The following ABCC4 variants were observed in gnomAD, a reference collection of about 807,000 sequenced individuals.
ABCC4 encodes ATP-binding cassette sub-family C member 4.
Under a neutral mutation model 168.5 loss-of-function variants are expected in ABCC4, and 102 were observed. That is an observed-to-expected ratio of 0.61 (90% CI 0.52 to 0.71). The LOEUF is 0.71. Among genes scored for constraint, ABCC4 ranks in the 30% least tolerant of loss-of-function variants. The probability of loss-of-function intolerance (pLI) is 0.00; values close to 1 mark genes in which losing one functional copy is unlikely to be tolerated. For missense variants in ABCC4, 1,402 were observed against 1,605.8 expected (o/e 0.87, Z 2.17); for synonymous variants, 617 against 590.7 (o/e 1.04, Z -0.65).
At chr13:95,272,908 A>G (rs1264483523) in intron 1 of ABCC4, among the ~76,000 whole-genome samples, 1 of 149,866 alleles carries the variant, frequency 6.7e-6, no homozygotes, top group Non-Finnish European at 1.5e-5. Context: ...AAAATAAAAA[A>G]ATAAAATAAA....
At chr13:95,063,006 C>G in intron 25 of ABCC4, 147 bp from the exon 26 acceptor site, 1 of 947,924 alleles carries the variant, frequency 1.1e-6, no homozygotes, top group Non-Finnish European at 1.5e-6. Context: ...AACCTCAGCA[C>G]TGATGACCTT....
At chr13:95,209,296 G>T in intron 6 of ABCC4, 138 bp downstream of exon 6, 2 of 1,031,198 alleles carry the variant, frequency 1.9e-6, no homozygotes, top group Non-Finnish European at 2.8e-6. Flanking sequence ...AGGCCCCCTT[G>T]GCTGAGCCTG....
rs144550114 is a variant in ABCC4 at position 95,143,728 on chromosome 13, T to C, written c.2455+17461A>G. Among the ~76,000 whole-genome samples the C allele has an allele frequency of 2.1e-3, 318 of 152,236 alleles. 3 individuals carry two copies. Among genetic ancestry groups the C allele is most frequent in the African/African-American group, 7.3e-3 (305 of 41,550 alleles). The stretch of plus-strand genomic sequence containing the variant: ...TTTCAGAGCTAGCACTCTCCTAACA[T>C]ATGACCGGTTAAAAAATTATAAAAA... On this transcript the variant is annotated intron_variant, in intron 19 of 30. Coordinates refer to ENST00000645237, the MANE Select transcript of ABCC4 (RefSeq NM_005845.5).
chr13:95,125,099 G>A (rs948517195), intron 19 of ABCC4, among the ~76,000 whole-genome samples: 2 of 152,022 alleles, frequency 1.3e-5, no homozygotes, highest in African/African-American at 2.4e-5. Flanking sequence ...AGAAGATACA[G>A]TGGAGGCTCA....
At chr13:95,119,126 T>C (rs2035476597) in intron 19 of ABCC4, among the ~76,000 whole-genome samples, 1 of 152,184 alleles carries the variant, frequency 6.6e-6, no homozygotes, top group Non-Finnish European at 1.5e-5. Flanking sequence ...ATATATCCCA[T>C]GACTAAGCCC....
chr13:95,183,037 C>T (rs930024647), intron 11 of ABCC4, among the ~76,000 whole-genome samples: 1 of 147,700 alleles, frequency 6.8e-6, no homozygotes, highest in African/African-American at 2.5e-5. Flanking sequence ...ATCAACATAT[C>T]TGAGAAATCT....
Position 95,218,351 on chromosome 13 carries a change from C to T in ABCC4, c.532-7570G>A, listed in dbSNP as rs1374160421. On this transcript the variant is annotated intron_variant, in intron 4 of 30. Transcript: ENST00000645237. ...CAAGGACTGGCTAATATCCTCCTTC[C>T]TCGTAAACATGATGGGTGACTACCA... 2.6e-5 allele frequency among the ~76,000 whole-genome samples: 4 copies of T among 152,290 alleles called. No individual in the cohort carries two copies. In the East Asian group the frequency reaches 7.7e-4, roughly 29 times the overall value.
At chr13:95,121,382 G>A (rs746928393) in intron 19 of ABCC4, among the ~76,000 whole-genome samples, 50 of 151,642 alleles carry the variant, frequency 3.3e-4, no homozygotes, top group Non-Finnish European at 5.7e-4. Flanking sequence ...AAATGGGTGC[G>A]AAGGATCCCC....
intron 27 of ABCC4, among the ~76,000 whole-genome samples, chr13:95,048,098 A>G (rs956578491): frequency 4.6e-5 from 7 of 152,240 alleles, no homozygotes; most frequent in Non-Finnish European, 7.3e-5. Flanking sequence ...TAGAATTTAC[A>G]TACAATTTTC....
At chr13:95,247,835 A>T (rs2040148288) in intron 1 of ABCC4, 82 bp from the exon 2 acceptor site, 1 of 1,033,368 alleles carries the variant, frequency 9.7e-7, no homozygotes, top group South Asian at 1.4e-5. Flanking sequence ...GGTTTTGCTT[A>T]AACTTACCTT....
At chr13:95,164,607 G>C in intron 15 of ABCC4, 89 bp from the exon 16 acceptor site, 1 of 1,413,446 alleles carries the variant, frequency 7.1e-7, no homozygotes, top group African/African-American at 1.4e-5. Flanking sequence ...AAGCTGTGGG[G>C]AAACAGGCAG....
chr13:95,101,120 A>AC (rs941876199), intron 20 of ABCC4, among the ~76,000 whole-genome samples: 2 of 150,326 alleles, frequency 1.3e-5, no homozygotes, highest in African/African-American at 4.9e-5. Flanking sequence ...CTGCCCTCCC[A>AC]CCCCCCTAGG....
intron 20 of ABCC4, among the ~76,000 whole-genome samples, chr13:95,108,487 G>C (rs950507960): frequency 2.0e-5 from 3 of 152,124 alleles, no homozygotes; most frequent in African/African-American, 7.2e-5. Flanking sequence ...TAGTGAATAA[G>C]TCACATGAGA....
intron 30 of ABCC4, among the ~76,000 whole-genome samples, chr13:95,026,895 A>G (rs2031576005): frequency 6.6e-6 from 1 of 152,032 alleles, no homozygotes; most frequent in Non-Finnish European, 1.5e-5. Context: ...TCTCAAAAAA[A>G]AAAAAGAAAA....
intron 25 of ABCC4, among the ~76,000 whole-genome samples, chr13:95,064,809 G>A (rs2033468495): frequency 1.3e-5 from 2 of 152,056 alleles, no homozygotes; most frequent in Admixed American, 1.3e-4. Context: ...CCTGGCTCTG[G>A]TTAGTTCTCT....
Position 95,078,292 on chromosome 13 carries a change from G to T in ABCC4, c.2687-2741C>A, listed in dbSNP as rs138856739. ...CCAGGTGTGGTGGCGGGCGCCTGTA[G>T]TCCCAACTACTCAGGAAGCTGAGAC... On this transcript the variant is annotated intron_variant, in intron 21 of 30. Coordinates refer to ENST00000645237, the MANE Select transcript of ABCC4 (RefSeq NM_005845.5). 9.6e-3 allele frequency among the ~76,000 whole-genome samples: 1,459 copies of T among 152,228 alleles called. 23 individuals are homozygous for T. Among genetic ancestry groups the T allele is most frequent in the African/African-American group, 0.032 (1,334 of 41,518 alleles).
At chr13:95,099,026 T>C (rs1220211790) in intron 20 of ABCC4, among the ~76,000 whole-genome samples, 3 of 152,230 alleles carry the variant, frequency 2.0e-5, no homozygotes, top group African/African-American at 7.2e-5. Flanking sequence ...CTCCTATGCA[T>C]TTTATCTGAG....
chr13:95,071,084 T>TCC (rs2033708253), intron 25 of ABCC4, among the ~76,000 whole-genome samples: 1 of 151,506 alleles, frequency 6.6e-6, no homozygotes, highest in African/African-American at 2.4e-5. Flanking sequence ...GCACAAACTC[T>TCC]CTTTGCCTGC....
chr13:95,195,253 CTA>C (rs1249511404), intron 8 of ABCC4, among the ~76,000 whole-genome samples: 2 of 152,092 alleles, frequency 1.3e-5, no homozygotes, highest in Non-Finnish European at 2.9e-5. Context: ...CTGCATAGTT[CTA>C]CTGTTGTACT....
Sources: gnomAD v4.1 joint callset for allele counts (sites outside exome capture counted in the v4.1 genomes callset) on GRCh38, gnomAD v4.1.1 for gene constraint, MANE v1.5 for transcripts, NCBI Gene and HGNC (gene_info 2026-07-23, HGNC 2026-07-21) for gene names.